Variants in FAM133B observed in about 807,000 individuals in gnomAD.
FAM133B encodes protein FAM133B.
In FAM133B, 25 loss-of-function variants were observed where a neutral mutation model predicts 46.4. The ratio of observed to expected loss-of-function variants is 0.54; its 90% CI spans 0.39 to 0.75. The LOEUF (loss-of-function observed/expected upper bound fraction) is 0.75, where lower values mean the gene tolerates loss of function less well. Among genes scored for constraint, FAM133B ranks in the 30% least tolerant of loss-of-function variants. The pLI, the probability that FAM133B is intolerant of heterozygous loss-of-function variation, is 0.00. For missense variants in FAM133B, 205 were observed against 277.6 expected (o/e 0.74, Z 1.86); for synonymous variants, 75 against 86.0 (o/e 0.87, Z 0.71).
At chr7:92,589,470 C>A (rs1289326134) in intron 1 of FAM133B, among the ~76,000 whole-genome samples, 1 of 152,148 alleles carries the variant, frequency 6.6e-6, no homozygotes. Context: ...AATTTTCATG[C>A]CCAGTACTCG....
intron 10 of FAM133B, among the ~76,000 whole-genome samples, chr7:92,565,311 G>C (rs1166673370): frequency 6.7e-6 from 1 of 150,056 alleles, no homozygotes; most frequent in Non-Finnish European, 1.5e-5. Context: ...CACCACGCCC[G>C]GCTAATTTTT....
intron 8 of FAM133B, among the ~76,000 whole-genome samples, chr7:92,570,543 C>T (rs1000731323): frequency 1.3e-5 from 2 of 151,980 alleles, no homozygotes; most frequent in African/African-American, 2.4e-5. Context: ...AAGATTTATT[C>T]GAGCTGCATA....
rs368286636 is a variant in FAM133B at position 92,588,825 on chromosome 7, CTT to C, written c.24+1441_24+1442del. 3.8e-3 allele frequency among the ~76,000 whole-genome samples: 579 copies of C among 152,306 alleles called. 7 individuals carry two copies. Among genetic ancestry groups the C allele is most frequent in the African/African-American group, 0.013 (558 of 41,548 alleles). On this transcript the variant is annotated intron_variant, in intron 1 of 10. Transcript: ENST00000445716. Reference sequence around the variant, plus strand: ...GTGTAGCAACTCTCCCCGTCCCTCTCTTGGTCCCGCTCCTGCCATGTAAGACG... The same window carrying C: ...GTGTAGCAACTCTCCCCGTCCCTCTCGGTCCCGCTCCTGCCATGTAAGACG...
intron 8 of FAM133B, among the ~76,000 whole-genome samples, chr7:92,574,113 A>C (rs1193049556): frequency 6.6e-6 from 1 of 152,208 alleles, no homozygotes; most frequent in Non-Finnish European, 1.5e-5. Flanking sequence ...GCATCCATAC[A>C]AAAACTTGTG....
At position 92,568,697 on chromosome 7, in the gene FAM133B, T is replaced by C. The variant is rs945323311; in HGVS notation, c.609+1126A>G. ...GTTAATCACATTCAGGCATTTACAC[T>C]GAAATACAATTTCATAAAATTGCAC... On this transcript the variant is annotated intron_variant, in intron 9 of 10. Transcript: ENST00000445716. Among the ~76,000 whole-genome samples the C allele has an allele frequency of 3.9e-5, 6 of 152,102 alleles. No homozygotes were observed. In the East Asian group the frequency reaches 1.2e-3, roughly 29 times the overall value.
chr7:92,579,418 C>T (rs753314793), intron 2 of FAM133B, 23 bp from the exon 3 acceptor site: 2 of 1,542,792 alleles, frequency 1.3e-6, no homozygotes, highest in Non-Finnish European at 1.8e-6. Context: ...AATGTACAAA[C>T]AAAATTTCAA....
chr7:92,565,847 A>G, intron 10 of FAM133B, 167 bp downstream of exon 10: 1 of 646,410 alleles, frequency 1.5e-6, no homozygotes. Flanking sequence ...TTCCTGAACC[A>G]TTTTGACTTT....
intron 3 of FAM133B, 35 bp from the exon 4 acceptor site, chr7:92,578,428 C>A: frequency 6.4e-7 from 1 of 1,573,170 alleles, no homozygotes; most frequent in South Asian, 1.1e-5. Context: ...CAGAGACTAT[C>A]TAACCTTTCC....
chr7:92,581,403 A>C, intron 2 of FAM133B, 103 bp downstream of exon 2: 1 of 883,802 alleles, frequency 1.1e-6, no homozygotes, highest in Non-Finnish European at 1.7e-6. Context: ...AAAATTACTT[A>C]TCTGGCAATT....
At chr7:92,588,785 C>T (rs116316720) in intron 1 of FAM133B, among the ~76,000 whole-genome samples, 8,066 of 152,106 alleles carry the variant, frequency 0.053, 342 homozygotes, top group African/African-American at 0.11. Flanking sequence ...TCAACAGATG[C>T]GGTTGTTTAA....
Position 92,566,175 on chromosome 7 carries a change from T to C in FAM133B, c.610-114A>G, listed in dbSNP as rs1160622777. The C allele has an allele frequency of 9.5e-6, 9 of 947,536 alleles. No individual in the cohort carries two copies. In the South Asian group the frequency reaches 1.2e-4, roughly 13 times the overall value. The allele number at this position is 947,536 out of a possible 1,614,324, so 58.7% of individuals were successfully genotyped here. On this transcript the variant is annotated intron_variant, in intron 9 of 10. Coordinates refer to ENST00000445716, the MANE Select transcript of FAM133B (RefSeq NM_152789.4). ...TCAAAATTTAAATGTAAAAAACATTTTGACAATCACAGGACATTTAAAATA... is the reference window on the plus strand; with the variant it reads ...TCAAAATTTAAATGTAAAAAACATTCTGACAATCACAGGACATTTAAAATA...
At chr7:92,581,889 G>C (rs1794887401) in intron 1 of FAM133B, 1 of 278,264 alleles carries the variant, frequency 3.6e-6, no homozygotes, top group South Asian at 4.8e-5. Flanking sequence ...TGGCTTTACA[G>C]CTCTTTCTCC....
At chr7:92,585,047 G>A (rs1795001963) in intron 1 of FAM133B, among the ~76,000 whole-genome samples, 1 of 152,148 alleles carries the variant, frequency 6.6e-6, no homozygotes, top group South Asian at 2.1e-4. Context: ...AACCTGGCTT[G>A]ATGTGCAAAC....
At chr7:92,577,483 A>G in intron 6 of FAM133B, 172 bp downstream of exon 6, 2 of 481,206 alleles carry the variant, frequency 4.2e-6, no homozygotes, top group Non-Finnish European at 3.6e-6. Context: ...TATATTATAT[A>G]CCAATATTTA....
At chr7:92,565,251 A>T (rs1241807655) in intron 10 of FAM133B, among the ~76,000 whole-genome samples, 1 of 148,644 alleles carries the variant, frequency 6.7e-6, no homozygotes, top group Admixed American at 6.7e-5. Context: ...CCCAGGTTCA[A>T]GCAATTCTCC....
intron 2 of FAM133B, among the ~76,000 whole-genome samples, chr7:92,580,883 C>T (rs1175636547): frequency 6.6e-6 from 1 of 152,210 alleles, no homozygotes; most frequent in African/African-American, 2.4e-5. Context: ...CACTGGTAAA[C>T]AATCCTTACT....
At chr7:92,585,011 AAAAC>A (rs1301193633) in intron 1 of FAM133B, among the ~76,000 whole-genome samples, 6 of 148,776 alleles carry the variant, frequency 4.0e-5, no homozygotes, top group African/African-American at 1.3e-4. Context: ...AAACAAAACA[AAAAC>A]CCTCTGTATA....
At chr7:92,584,171 T>C (rs1585315970) in intron 1 of FAM133B, among the ~76,000 whole-genome samples, 1 of 151,808 alleles carries the variant, frequency 6.6e-6, no homozygotes, top group Non-Finnish European at 1.5e-5. Context: ...CTCAGCCTCC[T>C]GAGTAGCTAG....
intron 8 of FAM133B, among the ~76,000 whole-genome samples, chr7:92,571,779 G>A (rs1794538579): frequency 6.6e-6 from 1 of 152,120 alleles, no homozygotes; most frequent in African/African-American, 2.4e-5. Context: ...ACTGCACTGT[G>A]TTAATTAAAA....
Sources: allele counts gnomAD v4.1 joint callset (sites outside exome capture counted in the v4.1 genomes callset), GRCh38; gene constraint gnomAD v4.1.1; transcripts MANE v1.5; gene names NCBI Gene and HGNC (gene_info 2026-07-23, HGNC 2026-07-21).